FKBP5: variants seen among roughly 807,000 people sequenced by gnomAD.
FKBP5 encodes the protein peptidyl-prolyl cis-trans isomerase FKBP5.
FKBP5 carries 23 observed loss-of-function variants against 50.5 expected under a neutral mutation model. The ratio of observed to expected loss-of-function variants is 0.46; its 90% CI spans 0.33 to 0.65. The LOEUF (loss-of-function observed/expected upper bound fraction) is 0.65, where lower values mean the gene tolerates loss of function less well. Among genes scored for constraint, FKBP5 ranks in the 30% least tolerant of loss-of-function variants. The pLI is 0.02. For missense variants in FKBP5, 411 were observed against 553.1 expected (o/e 0.74, Z 2.58); for synonymous variants, 176 against 190.6 (o/e 0.92, Z 0.63).
At chr6:35,641,213 C>G (rs1281769208) in intron 2 of FKBP5, among the ~76,000 whole-genome samples, 1 of 152,076 alleles carries the variant, frequency 6.6e-6, no homozygotes, top group Non-Finnish European at 1.5e-5. Context: ...GAACTCCTGG[C>G]CTCAAGTGAT....
chr6:35,631,601 C>T (rs1764155543), intron 3 of FKBP5, among the ~76,000 whole-genome samples: 1 of 151,982 alleles, frequency 6.6e-6, no homozygotes, highest in Admixed American at 6.6e-5. Flanking sequence ...AAAGTGGCTT[C>T]GACACAAATA....
At chr6:35,585,074 T>G in intron 8 of FKBP5, 2 of 985,378 alleles carry the variant, frequency 2.0e-6, no homozygotes, top group African/African-American at 1.7e-5. Flanking sequence ...TAGCACCGAT[T>G]AGAGCCTCTG....
At chr6:35,713,795 C>G (rs560359734) in intron 2 of FKBP5, among the ~76,000 whole-genome samples, 7 of 152,328 alleles carry the variant, frequency 4.6e-5, no homozygotes, top group African/African-American at 1.7e-4. Context: ...GACTCACACC[C>G]TCACATCCTC....
intron 2 of FKBP5, among the ~76,000 whole-genome samples, chr6:35,703,695 A>G (rs1766232371): frequency 6.6e-6 from 1 of 152,174 alleles, no homozygotes; most frequent in African/African-American, 2.4e-5. Context: ...AGAAGTCAGA[A>G]CTCAGATTCC....
intron 8 of FKBP5, chr6:35,581,649 A>C: frequency 1.0e-6 from 1 of 985,504 alleles, no homozygotes; most frequent in Non-Finnish European, 1.2e-6. Context: ...CAATGTGTCC[A>C]CTGTGATTTT....
intron 5 of FKBP5, among the ~76,000 whole-genome samples, chr6:35,601,075 G>A (rs1763131858): frequency 1.3e-5 from 2 of 152,172 alleles, no homozygotes; most frequent in African/African-American, 4.8e-5. Context: ...CAGAACTAGT[G>A]TCTGATGCTG....
chr6:35,602,719 C>T (rs969515447), intron 5 of FKBP5, among the ~76,000 whole-genome samples: 4 of 152,112 alleles, frequency 2.6e-5, no homozygotes, highest in Admixed American at 2.0e-4. Flanking sequence ...TCCTCCTCTG[C>T]ACTGTTTTGT....
intron 9 of FKBP5, among the ~76,000 whole-genome samples, chr6:35,579,164 ACTCTCT>A (rs111398353): frequency 8.1e-5 from 12 of 148,118 alleles, no homozygotes; most frequent in South Asian, 2.1e-4. Flanking sequence ...GCGCGCACAC[ACTCTCT>A]CTCTCTCTCT....
intron 5 of FKBP5, among the ~76,000 whole-genome samples, chr6:35,608,619 T>G (rs1328208061): frequency 6.6e-6 from 1 of 152,104 alleles, no homozygotes; most frequent in Non-Finnish European, 1.5e-5. Context: ...GGCAGGAATT[T>G]GAGGCTGCAG....
intron 1 of FKBP5, among the ~76,000 whole-genome samples, chr6:35,726,536 C>CCACACACACACA (rs10599241): frequency 1.6e-4 from 23 of 139,446 alleles, no homozygotes; most frequent in African/African-American, 5.5e-4. Context: ...TCCTCCTCCT[C>CCACACACACACA]CACACACACA....
chr6:35,606,520 CG>C (rs1248179600), intron 5 of FKBP5, among the ~76,000 whole-genome samples: 2 of 151,266 alleles, frequency 1.3e-5, no homozygotes, highest in Admixed American at 1.3e-4. Context: ...ATTAGCCGGG[CG>C]TGGTGGTGGG....
intron 3 of FKBP5, among the ~76,000 whole-genome samples, chr6:35,622,004 G>A (rs563433812): frequency 4.6e-5 from 7 of 152,024 alleles, no homozygotes; most frequent in Admixed American, 6.6e-5. Flanking sequence ...AAACAAAAAT[G>A]TAAGTATTCA....
rs182527439 is a variant in FKBP5, at chr6:35,649,124, G to A, written c.-19-6281C>T. On this transcript the variant is annotated intron_variant, in intron 1 of 10. Coordinates refer to ENST00000357266, the MANE Select transcript of FKBP5 (RefSeq NM_004117.4). Reference sequence around the variant, plus strand: ...ATATTAGCCGGGCGTGGTGGCGAGCGCCTGTAGTTCCAGCTACTTGGGAGG... The same window carrying A: ...ATATTAGCCGGGCGTGGTGGCGAGCACCTGTAGTTCCAGCTACTTGGGAGG... 8.3e-4 allele frequency among the ~76,000 whole-genome samples: 126 copies of A among 151,648 alleles called. No homozygotes were observed. The East Asian group carries it at 0.02, about 24-fold the overall frequency.
Position 35,580,301 on chromosome 6 carries a change from C to A in FKBP5, c.841-80G>T, listed in dbSNP as rs944723566. On this transcript the variant is annotated intron_variant, in intron 8 of 10. Transcript: ENST00000357266. ...AAAGCAAATCCTCAAAGTGAAGCAA[C>A]CCCTCCAGCAAACCCTGGTACAGCT... 5.4e-6 allele frequency: 6 copies of A among 1,119,690 alleles called. No homozygotes were observed. In the African/African-American group the frequency reaches 6.2e-5, roughly 12 times the overall value. 69.4% of individuals were successfully genotyped at this position (1,119,690 alleles called of 1,614,324 possible).
chr6:35,665,402 C>T (rs1315069354), intron 1 of FKBP5, among the ~76,000 whole-genome samples: 1 of 152,000 alleles, frequency 6.6e-6, no homozygotes, highest in Non-Finnish European at 1.5e-5. Context: ...ATTCTCCTGC[C>T]TCAGCCTCCC....
At chr6:35,598,720 C>G (rs922258111) in intron 5 of FKBP5, among the ~76,000 whole-genome samples, 1 of 151,946 alleles carries the variant, frequency 6.6e-6, no homozygotes, top group Non-Finnish European at 1.5e-5. Flanking sequence ...GCCTGTAATC[C>G]CACACTTTGG....
At chr6:35,604,380 T>A (rs555547859) in intron 5 of FKBP5, among the ~76,000 whole-genome samples, 40 of 152,326 alleles carry the variant, frequency 2.6e-4, no homozygotes, top group South Asian at 1.7e-3. Flanking sequence ...AAGAAAGAAA[T>A]TATATAAATC....
At position 35,579,139 on chromosome 6, in the gene FKBP5, A is replaced by AAC. The variant is rs906685473; in HGVS notation, c.1026+895_1026+896dup. Among the ~76,000 whole-genome samples the AAC allele has an allele frequency of 4.7e-5, 7 of 150,090 alleles. No individual in the cohort carries two copies. The South Asian group carries it at 8.4e-4, about 18-fold the overall frequency. ...AACAACTTGTCTCTAAAACAAACAA[A>AAC]ACACACACACGCGCGCGCGCACACA... On this transcript the variant is annotated intron_variant, in intron 9 of 10. Coordinates refer to ENST00000357266, the MANE Select transcript of FKBP5 (RefSeq NM_004117.4).
Position 35,587,137 on chromosome 6 carries a change from A to C in FKBP5, c.757-20T>G. 3 of 1,611,212 alleles carry C rather than the reference A, an allele frequency of 1.9e-6. No homozygotes were observed. Among genetic ancestry groups the C allele is most frequent in the Non-Finnish European group, 2.5e-6 (3 of 1,177,402 alleles). ...TTTGGCCTGTGTGTAAATTTGTGAC[A>C]ATGGTTAGATGAACAGAGAGAAAAG... is the stretch of plus-strand genomic sequence containing the variant. On this transcript the variant is annotated intron_variant, in intron 7 of 10. Coordinates refer to ENST00000357266, the MANE Select transcript of FKBP5 (RefSeq NM_004117.4).
Sources: gnomAD v4.1 joint callset for allele counts (sites outside exome capture counted in the v4.1 genomes callset) on GRCh38, gnomAD v4.1.1 for gene constraint, MANE v1.5 for transcripts, NCBI Gene and HGNC (gene_info 2026-07-23, HGNC 2026-07-21) for gene names.